The following SHQ1 variants were observed in gnomAD, a reference collection of about 807,000 sequenced individuals.
The protein encoded by SHQ1 is protein SHQ1 homolog.
SHQ1 carries 49 observed loss-of-function variants against 53.8 expected under a neutral mutation model. The ratio of observed to expected loss-of-function variants is 0.91; its 90% CI spans 0.72 to 1.16. The LOEUF (loss-of-function observed/expected upper bound fraction) is 1.16, where lower values mean the gene tolerates loss of function less well. SHQ1 is among the 50% of genes most tolerant of loss of function. The pLI, the probability that SHQ1 is intolerant of heterozygous loss-of-function variation, is 0.00. For synonymous variants in SHQ1, 243 were observed against 251.0 expected (o/e 0.97, Z 0.30); for missense variants, 738 against 683.1 (o/e 1.08, Z -0.90).
rs75029657 is a variant in SHQ1 at position 72,766,874 on chromosome 3, G to A, written c.1182-16038C>T. Among the ~76,000 whole-genome samples the A allele has an allele frequency of 2.0e-4, 31 of 152,252 alleles. 1 individual carries two copies. In the East Asian group the frequency reaches 4.2e-3, roughly 21 times the overall value. ...GCGGGCTTCACATAATGATGGAAAC[G>A]TGCTGTCCAATATGGGCCACTAACC... On this transcript the variant is annotated intron_variant, in intron 10 of 10. Coordinates refer to ENST00000325599, the MANE Select transcript of SHQ1 (RefSeq NM_018130.3).
At chr3:72,798,023 T>C (rs1706679303) in intron 9 of SHQ1, among the ~76,000 whole-genome samples, 2 of 152,162 alleles carry the variant, frequency 1.3e-5, no homozygotes, top group South Asian at 4.1e-4. Flanking sequence ...CAGAAGCCTA[T>C]GGGGACTCAA....
At chr3:72,814,310 G>T (rs1196131001) in intron 8 of SHQ1, among the ~76,000 whole-genome samples, 1 of 152,134 alleles carries the variant, frequency 6.6e-6, no homozygotes, top group Non-Finnish European at 1.5e-5. Flanking sequence ...GCTGATCATG[G>T]CAACATGAGG....
chr3:72,845,905 T>A (rs1708315243), intron 1 of SHQ1, among the ~76,000 whole-genome samples: 1 of 152,184 alleles, frequency 6.6e-6, no homozygotes, highest in Non-Finnish European at 1.5e-5. Context: ...GTTATAATGG[T>A]TACAAACGCT....
At chr3:72,796,997 C>T (rs572797085) in intron 9 of SHQ1, among the ~76,000 whole-genome samples, 26 of 149,660 alleles carry the variant, frequency 1.7e-4, no homozygotes, top group African/African-American at 6.4e-4. Context: ...GTGGCTCATG[C>T]TTGTAATCCC....
At position 72,750,206 on chromosome 3, in the gene SHQ1, T is replaced by A; in HGVS notation, c.*78A>T. On this transcript the variant is annotated 3_prime_UTR_variant, in exon 11 of 11. Transcript: ENST00000325599. The stretch of plus-strand genomic sequence containing the variant: ...CTATATACTAAGAAAAATTACAAAG[T>A]GAAAATGAAGAATTCTCATTCGGTA... 8.0e-7 allele frequency: 1 copy of A among 1,257,446 alleles called. No homozygotes were observed. Among genetic ancestry groups the A allele is most frequent in the Non-Finnish European group, 1.1e-6 (1 of 899,524 alleles). 77.9% of individuals were successfully genotyped at this position (1,257,446 alleles called of 1,614,324 possible). A position where few individuals can be genotyped will look rare whatever the true frequency, so the allele number is the denominator to read the frequency against.
intron 5 of SHQ1, among the ~76,000 whole-genome samples, chr3:72,830,157 C>T (rs1039219666): frequency 6.7e-6 from 1 of 149,654 alleles, no homozygotes; most frequent in Non-Finnish European, 1.5e-5. Flanking sequence ...CCAGATTTTA[C>T]AATAAAAGAC....
In SHQ1 at chr3:72,750,248, C is replaced by A. The variant is rs149286555; in HGVS notation, c.*36G>T. Reference sequence around the variant, plus strand: ...CATTCGGTAAATGAAACCCAATCTACCATATTTCTCAACAATGAATAAAAC... The same window carrying A: ...CATTCGGTAAATGAAACCCAATCTAACATATTTCTCAACAATGAATAAAAC... On this transcript the variant is annotated 3_prime_UTR_variant, in exon 11 of 11. Coordinates refer to ENST00000325599, the MANE Select transcript of SHQ1 (RefSeq NM_018130.3). The A allele has an allele frequency of 2.0e-6, 3 of 1,473,990 alleles. No individual in the cohort carries two copies. The highest frequency in any genetic ancestry group is 1.8e-6 in the Non-Finnish European group (2 of 1,082,892). The allele number at this position is 1,473,990 out of a possible 1,614,324, so 91.3% of individuals were successfully genotyped here. A position where few individuals can be genotyped will look rare whatever the true frequency, so the allele number is the denominator to read the frequency against.
chr3:72,740,305 T>A, the SHQ1 span, among the ~76,000 whole-genome samples: 1 of 152,150 alleles, frequency 6.6e-6, no homozygotes, highest in Non-Finnish European at 1.5e-5. Context: ...ACAGATAATC[T>A]CTTTTCTGAC....
intron 9 of SHQ1, chr3:72,794,567 T>C (rs1328545736): frequency 1.3e-5 from 2 of 152,268 alleles, no homozygotes; most frequent in African/African-American, 2.4e-5. Flanking sequence ...TGAGCTCCTA[T>C]GTTCACTCAT....
chr3:72,738,001 C>G, the SHQ1 span, among the ~76,000 whole-genome samples: 1 of 152,202 alleles, frequency 6.6e-6, no homozygotes, highest in East Asian at 1.9e-4. Flanking sequence ...GGTTGCCCCC[C>G]AATTCCCCAG....
At chr3:72,775,725 G>C (rs148288844) in intron 10 of SHQ1, among the ~76,000 whole-genome samples, 393 of 152,140 alleles carry the variant, frequency 2.6e-3, no homozygotes, top group Non-Finnish European at 4.4e-3. Flanking sequence ...TCCCAGGAAT[G>C]CAAGGCCGAA....
chr3:72,838,944 AG>A (rs1708077943), intron 4 of SHQ1, among the ~76,000 whole-genome samples: 1 of 151,068 alleles, frequency 6.6e-6, no homozygotes, highest in Admixed American at 6.6e-5. Context: ...AAGAAAGTAT[AG>A]CAGCTTAAAA....
intron 4 of SHQ1, among the ~76,000 whole-genome samples, chr3:72,838,792 C>T (rs142519305): frequency 3.3e-5 from 5 of 152,098 alleles, no homozygotes; most frequent in African/African-American, 1.2e-4. Context: ...CACCCAGCCA[C>T]AGTGGTTTAT....
chr3:72,833,551 A>G (rs548129903), intron 4 of SHQ1, among the ~76,000 whole-genome samples: 1 of 132,654 alleles, frequency 7.5e-6, no homozygotes, highest in African/African-American at 2.5e-5. Flanking sequence ...ATAGATAGAT[A>G]GATAGATAGA....
chr3:72,737,702 G>C, the SHQ1 span, among the ~76,000 whole-genome samples: 2 of 152,280 alleles, frequency 1.3e-5, no homozygotes, highest in African/African-American at 2.4e-5. Flanking sequence ...ACACGGTACT[G>C]TTTAGGGAAT....
intron 5 of SHQ1, among the ~76,000 whole-genome samples, chr3:72,824,787 C>CTTTTTTTTTTTTT (rs36082106): frequency 7.0e-6 from 1 of 142,766 alleles, no homozygotes; most frequent in Admixed American, 7.0e-5. Flanking sequence ...TTGCTGATCT[C>CTTTTTTTTTTTTT]TTTTTTTTTT....
At chr3:72,764,972 ACT>A (rs1395241704) in intron 10 of SHQ1, among the ~76,000 whole-genome samples, 2 of 152,008 alleles carry the variant, frequency 1.3e-5, no homozygotes, top group Non-Finnish European at 2.9e-5. Flanking sequence ...GGGCAGCCTG[ACT>A]CTGTCCCATC....
At chr3:72,844,519 A>T (rs2106975431) in intron 1 of SHQ1, 96 bp from the exon 2 acceptor site, 1 of 926,084 alleles carries the variant, frequency 1.1e-6, no homozygotes, top group Non-Finnish European at 1.8e-6. Context: ...AAAATATATC[A>T]ATCATTTTTT....
At chr3:72,756,617 G>A (rs1442963282) in intron 10 of SHQ1, among the ~76,000 whole-genome samples, 1 of 152,102 alleles carries the variant, frequency 6.6e-6, no homozygotes, top group Non-Finnish European at 1.5e-5. Context: ...TCACCTACCT[G>A]TTAAGAATAT....
Sources: gnomAD v4.1 joint callset for allele counts (sites outside exome capture counted in the v4.1 genomes callset) on GRCh38, gnomAD v4.1.1 for gene constraint, MANE v1.5 for transcripts, NCBI Gene and HGNC (gene_info 2026-07-23, HGNC 2026-07-21) for gene names.